Variants in TMEM167A observed in about 807,000 individuals in gnomAD.
The protein encoded by TMEM167A is protein kish-A.
TMEM167A carries 8 observed loss-of-function variants against 11.6 expected under a neutral mutation model. The ratio of observed to expected loss-of-function variants is 0.69; its 90% CI spans 0.40 to 1.24. The LOEUF (loss-of-function observed/expected upper bound fraction) is 1.24, where lower values mean the gene tolerates loss of function less well. Among genes scored for constraint, TMEM167A ranks in the 50% most tolerant of loss-of-function variants. The pLI is 0.01. For synonymous variants in TMEM167A, 22 were observed against 28.0 expected (o/e 0.79, Z 0.67); for missense variants, 62 against 87.0 (o/e 0.71, Z 1.14).
chr5:83,071,245 T>C (rs995697509), intron 1 of TMEM167A: 2 of 152,162 alleles, frequency 1.3e-5, no homozygotes, highest in African/African-American at 4.8e-5. Context: ...CTGCCTCCTA[T>C]ATGGGGAATA....
intron 3 of TMEM167A, among the ~76,000 whole-genome samples, chr5:83,059,166 C>CCA (rs571073119): frequency 8.4e-6 from 1 of 118,368 alleles, no homozygotes; most frequent in African/African-American, 2.8e-5. Flanking sequence ...AAATAACAAG[C>CCA]AAAAAAAAAA....
At chr5:83,074,436 C>T (rs911434434) in intron 1 of TMEM167A, among the ~76,000 whole-genome samples, 1 of 152,146 alleles carries the variant, frequency 6.6e-6, no homozygotes, top group Non-Finnish European at 1.5e-5. Flanking sequence ...ATATCTTCTG[C>T]TATAAGAGGA....
At chr5:83,060,390 G>A (rs139563904) in intron 3 of TMEM167A, among the ~76,000 whole-genome samples, 1 of 150,836 alleles carries the variant, frequency 6.6e-6, no homozygotes, top group African/African-American at 2.4e-5. Context: ...CTAAACAAAA[G>A]AATTTTTCTT....
In TMEM167A at chr5:83,053,555, T is replaced by G. The variant is rs865955466; in HGVS notation, c.*3529A>C. On this transcript the variant is annotated 3_prime_UTR_variant, in exon 4 of 4. Transcript: ENST00000502346. ...CAAGGAAGAATTTAAATTTCTGCCC[T>G]TGAGTAGTTTTGTGTTAGGCAGGAG... 4.6e-5 allele frequency: 7 copies of G among 152,034 alleles called. No homozygotes were observed. Among genetic ancestry groups the G allele is most frequent in the Middle Eastern group, 3.2e-3 (1 of 316 alleles). The allele number at this position is 152,034 out of a possible 1,614,324, so 9.4% of individuals were successfully genotyped here.
At chr5:83,064,041 T>A (rs1435925379) in intron 2 of TMEM167A, among the ~76,000 whole-genome samples, 1 of 152,096 alleles carries the variant, frequency 6.6e-6, no homozygotes, top group African/African-American at 2.4e-5. Context: ...AGACTAGGCC[T>A]ATAAAATTTT....
chr5:83,057,591 A>G (rs1290208063), intron 3 of TMEM167A, among the ~76,000 whole-genome samples: 1 of 152,106 alleles, frequency 6.6e-6, no homozygotes, highest in African/African-American at 2.4e-5. Flanking sequence ...GCAATTTGTG[A>G]CACTTAAAGG....
At chr5:83,064,643 A>G (rs1173127167) in intron 2 of TMEM167A, among the ~76,000 whole-genome samples, 1 of 152,122 alleles carries the variant, frequency 6.6e-6, no homozygotes, top group Non-Finnish European at 1.5e-5. Flanking sequence ...TGAATACTGA[A>G]GAATAAATTC....
In TMEM167A at chr5:83,064,436, G is replaced by C. The variant is rs145382902; in HGVS notation, c.113+572C>G. On this transcript the variant is annotated intron_variant, in intron 2 of 3. Coordinates refer to ENST00000502346, the MANE Select transcript of TMEM167A (RefSeq NM_174909.5). The stretch of plus-strand genomic sequence containing the variant: ...ATGAGATAAACACTTAAATATCTTA[G>C]ATGGACATTATGCATTATATTAGAA... The C allele has an allele frequency of 1.5e-3, 686 of 453,236 alleles. 4 individuals are homozygous for C. The highest frequency in any genetic ancestry group is 0.013 in the African/African-American group (633 of 48,772). 28.1% of individuals were successfully genotyped at this position (453,236 alleles called of 1,614,324 possible).
In TMEM167A at chr5:83,055,797, G is replaced by C. The variant is rs547776495; in HGVS notation, c.*1287C>G. 6.6e-6 allele frequency: 1 copy of C among 151,668 alleles called. No individual in the cohort carries two copies. Among genetic ancestry groups the C allele is most frequent in the Non-Finnish European group, 1.5e-5 (1 of 67,830 alleles). The allele number at this position is 151,668 out of a possible 1,614,324, so 9.4% of individuals were successfully genotyped here. A position where few individuals can be genotyped will look rare whatever the true frequency, so the allele number is the denominator to read the frequency against. ...AAATAACTACTAGCCTATTAATCTA[G>C]AAATAATTTTTTTTGTTTAAAAAAA... On this transcript the variant is annotated 3_prime_UTR_variant, in exon 4 of 4. Coordinates refer to ENST00000502346, the MANE Select transcript of TMEM167A (RefSeq NM_174909.5).
chr5:83,056,818 ATC>A lies in TMEM167A; in HGVS notation c.*264_*265del. ...TAGAGATACCTCACTAAAATTTTGT[ATC>A]TGATACAACAGAATAACATTTGCAG... On this transcript the variant is annotated 3_prime_UTR_variant, in exon 4 of 4. Transcript: ENST00000502346. 1 of 454,340 alleles carries A rather than the reference ATC, an allele frequency of 2.2e-6. No individual in the cohort carries two copies. The highest frequency in any genetic ancestry group is 2.7e-5 in the South Asian group (1 of 37,300). The allele number at this position is 454,340 out of a possible 1,614,324, so 28.1% of individuals were successfully genotyped here.
intron 3 of TMEM167A, 44 bp from the exon 4 acceptor site, chr5:83,057,198 T>C (rs1338096813): frequency 5.1e-6 from 8 of 1,560,798 alleles, no homozygotes; most frequent in South Asian, 1.1e-5. Context: ...ACTGAGTGGC[T>C]AACCTGGCTA....
intron 3 of TMEM167A, among the ~76,000 whole-genome samples, chr5:83,060,459 G>A (rs1744391309): frequency 6.7e-6 from 1 of 150,004 alleles, no homozygotes; most frequent in African/African-American, 2.4e-5. Flanking sequence ...CAGTCCAAGT[G>A]GTATATGTAC....
At chr5:83,074,020 A>C (rs1473764053) in intron 1 of TMEM167A, among the ~76,000 whole-genome samples, 3 of 152,174 alleles carry the variant, frequency 2.0e-5, no homozygotes, top group Non-Finnish European at 4.4e-5. Context: ...TGTTGTTACC[A>C]GTTGGTTTTC....
intron 3 of TMEM167A, among the ~76,000 whole-genome samples, chr5:83,060,992 C>T (rs1744399192): frequency 1.3e-5 from 2 of 152,068 alleles, no homozygotes; most frequent in Non-Finnish European, 2.9e-5. Flanking sequence ...ATGTATGATG[C>T]TACTAATCTC....
At chr5:83,064,922 T>C in intron 2 of TMEM167A, 86 bp downstream of exon 2, 3 of 810,900 alleles carry the variant, frequency 3.7e-6, no homozygotes, top group Non-Finnish European at 5.9e-6. Flanking sequence ...CATGTAGGAA[T>C]TAAATTATCT....
rs563970211 is a variant in TMEM167A, at chr5:83,057,771, T to C, written c.149-617A>G. ...AAGTAGAACTAAAACTAACCACTTC[T>C]GTATCAGTCAATTTTTCACATGCAT... On this transcript the variant is annotated intron_variant, in intron 3 of 3. Transcript: ENST00000502346. Among the ~76,000 whole-genome samples the C allele has an allele frequency of 7.6e-4, 115 of 152,266 alleles. 2 individuals carry two copies. The South Asian group carries it at 0.016, about 21-fold the overall frequency.
At chr5:83,059,633 T>A (rs1385609383) in intron 3 of TMEM167A, among the ~76,000 whole-genome samples, 1 of 152,124 alleles carries the variant, frequency 6.6e-6, no homozygotes, top group Non-Finnish European at 1.5e-5. Flanking sequence ...TTTTCTTGGT[T>A]CTTTTTGAAG....
rs184869873 is a variant in TMEM167A, at chr5:83,062,721, A to C, written c.114-810T>G. Among the ~76,000 whole-genome samples the C allele has an allele frequency of 5.2e-3, 787 of 152,220 alleles. 7 individuals are homozygous for C. Among genetic ancestry groups the C allele is most frequent in the African/African-American group, 0.018 (736 of 41,552 alleles). On this transcript the variant is annotated intron_variant, in intron 2 of 3. Coordinates refer to ENST00000502346, the MANE Select transcript of TMEM167A (RefSeq NM_174909.5). Reference sequence around the variant, plus strand: ...AGGACACTACTTAGTTGGTCTGACAAAGTAAAAGAATTATAAATAGTGTCA... The same window carrying C: ...AGGACACTACTTAGTTGGTCTGACACAGTAAAAGAATTATAAATAGTGTCA...
rs1744305429 is a variant in TMEM167A, at chr5:83,054,819, A to T, written c.*2265T>A. Reference sequence around the variant, plus strand: ...TACCTATATAACAACCTGCACATGTACCCCTGAACCTAAAAGTTAAAAAAA... The same window carrying T: ...TACCTATATAACAACCTGCACATGTTCCCCTGAACCTAAAAGTTAAAAAAA... On this transcript the variant is annotated 3_prime_UTR_variant, in exon 4 of 4. Transcript: ENST00000502346. 1 of 151,924 alleles carries T rather than the reference A, an allele frequency of 6.6e-6. No homozygotes were observed. Among genetic ancestry groups the T allele is most frequent in the Non-Finnish European group, 1.5e-5 (1 of 67,902 alleles). 9.4% of individuals were successfully genotyped at this position (151,924 alleles called of 1,614,324 possible).
Sources: gnomAD v4.1 joint callset for allele counts (sites outside exome capture counted in the v4.1 genomes callset) on GRCh38, gnomAD v4.1.1 for gene constraint, MANE v1.5 for transcripts, NCBI Gene and HGNC (gene_info 2026-07-23, HGNC 2026-07-21) for gene names.